DNAH7: variants seen among roughly 807,000 people sequenced by gnomAD.
DNAH7 encodes the protein axonemal beta dynein heavy chain 7.
DNAH7 carries 397 observed loss-of-function variants against 444.6 expected under a neutral mutation model. The observed-to-expected ratio is 0.89, with a 90% CI of 0.82 to 0.97. The LOEUF (loss-of-function observed/expected upper bound fraction) is 0.97. Among genes scored for constraint, DNAH7 ranks in the 50% least tolerant of loss-of-function variants. DNAH7 has a pLI of 0.00. For synonymous variants in DNAH7, 1,636 were observed against 1,624.4 expected (o/e 1.01, Z -0.17); for missense variants, 4,902 against 4,800.8 (o/e 1.02, Z -0.62).
At chr2:196,034,509 C>T (rs563568834) in intron 5 of DNAH7, among the ~76,000 whole-genome samples, 4 of 152,138 alleles carry the variant, frequency 2.6e-5, no homozygotes, top group Non-Finnish European at 5.9e-5. Flanking sequence ...AGGCATTTTT[C>T]CTTTGCAAAA....
chr2:195,926,381 A>G, intron 22 of DNAH7, 45 bp downstream of exon 22: 1 of 1,435,042 alleles, frequency 7.0e-7, no homozygotes, highest in Non-Finnish European at 9.2e-7. Context: ...CAATAATACT[A>G]TTGAAAAAAT....
At chr2:196,003,694 T>C (rs1337925009) in intron 10 of DNAH7, among the ~76,000 whole-genome samples, 2 of 152,192 alleles carry the variant, frequency 1.3e-5, no homozygotes, top group Non-Finnish European at 2.9e-5. Context: ...TCTTCTCCAG[T>C]AATGACCTGC....
chr2:195,994,938 T>C (rs1315014352), intron 12 of DNAH7: 4 of 295,384 alleles, frequency 1.4e-5, no homozygotes, highest in African/African-American at 2.3e-5. Context: ...GTTTTCCTTC[T>C]TCCTTTTCTT....
At position 195,976,784 on chromosome 2, in the gene DNAH7, A is replaced by AGAGAGAGAGAGAGAGAGAGG. The variant is rs1271382845; in HGVS notation, c.1834-4319_1834-4318insCCTCTCTCTCTCTCTCTCTC. Among the ~76,000 whole-genome samples the AGAGAGAGAGAGAGAGAGAGG allele has an allele frequency of 6.8e-5, 10 of 146,128 alleles. 1 individual carries two copies. The highest frequency in any genetic ancestry group is 2.1e-4 in the South Asian group (1 of 4,692). On this transcript the variant is annotated intron_variant, in intron 15 of 64. Coordinates refer to ENST00000312428, the MANE Select transcript of DNAH7 (RefSeq NM_018897.3). ...GAGAGAGAGAGAGAGAGAGAGAGAG[A>AGAGAGAGAGAGAGAGAGAGG]GAGACTCTCTAATTATTTGGGAGAA...
intron 47 of DNAH7, among the ~76,000 whole-genome samples, chr2:195,841,228 T>C (rs1559136050): frequency 6.6e-6 from 1 of 151,272 alleles, no homozygotes; most frequent in Non-Finnish European, 1.5e-5. Context: ...CTCTTTCTCT[T>C]TCTCTCTCTC....
At chr2:195,843,545 A>G (rs1361767535) in intron 47 of DNAH7, among the ~76,000 whole-genome samples, 3 of 152,240 alleles carry the variant, frequency 2.0e-5, no homozygotes, top group Non-Finnish European at 4.4e-5. Flanking sequence ...CTTAGTTATC[A>G]GAAAGCGTCA....
chr2:195,999,275 TAAG>T, intron 12 of DNAH7: 1 of 709,212 alleles, frequency 1.4e-6, no homozygotes, highest in East Asian at 2.7e-5. Context: ...ATGGTTGCCT[TAAG>T]AATTTGTAAC....
intron 63 of DNAH7, among the ~76,000 whole-genome samples, chr2:195,744,880 G>C (rs1197582658): frequency 2.0e-5 from 3 of 152,132 alleles, no homozygotes; most frequent in Non-Finnish European, 4.4e-5. Context: ...AAGATCAAAA[G>C]TAGATAAAAC....
intron 1 of DNAH7, among the ~76,000 whole-genome samples, chr2:196,064,232 G>A (rs1446879843): frequency 6.6e-6 from 1 of 151,054 alleles, no homozygotes; most frequent in Non-Finnish European, 1.5e-5. Context: ...GGAGAATGGC[G>A]TGAACCTTGG....
chr2:195,973,563 C>T (rs73042527), intron 15 of DNAH7, among the ~76,000 whole-genome samples: 10,191 of 152,144 alleles, frequency 0.067, 452 homozygotes, highest in African/African-American at 0.12. Flanking sequence ...CCTCAGCCTC[C>T]CATGTTCAAG....
chr2:195,936,677 C>T lies in DNAH7; in HGVS notation c.3194G>A (p.Arg1065His), dbSNP rs745950499. ...KGLNEYLEKK[R>H]LFFPRFFFLS... ...AAAAAAGAATCTGGGGAAAAAGAGG[C>T]GTTTCTTTTCCAAATATTCATTAAG... The change falls in exon 20 of 65, where the codon CGC (arginine) becomes CAC (histidine). Residue 1065 changes from arginine to histidine, a missense_variant. Coordinates refer to ENST00000312428, the MANE Select transcript of DNAH7 (RefSeq NM_018897.3). 17 of 1,603,644 alleles carry T rather than the reference C, an allele frequency of 1.1e-5. No homozygotes were observed. In the African/African-American group the frequency reaches 1.1e-4, roughly 10 times the overall value.
chr2:195,775,800 C>T (rs1695033584), intron 60 of DNAH7, 46 bp downstream of exon 60: 2 of 1,582,708 alleles, frequency 1.3e-6, no homozygotes, highest in African/African-American at 2.7e-5. Flanking sequence ...GCCTGGGGAG[C>T]ATCCTTCCCA....
chr2:196,056,677 A>G (rs1464567916), intron 2 of DNAH7, among the ~76,000 whole-genome samples: 1 of 152,142 alleles, frequency 6.6e-6, no homozygotes, highest in Non-Finnish European at 1.5e-5. Context: ...ATGGCAGGAC[A>G]TACCAGTTGC....
intron 29 of DNAH7, among the ~76,000 whole-genome samples, chr2:195,896,214 A>G (rs1325436853): frequency 6.6e-6 from 1 of 152,204 alleles, no homozygotes; most frequent in Non-Finnish European, 1.5e-5. Flanking sequence ...TCCATCTTTT[A>G]AATTTTAGCC....
intron 19 of DNAH7, among the ~76,000 whole-genome samples, chr2:195,952,760 TG>T (rs776575843): frequency 6.6e-6 from 1 of 152,312 alleles, no homozygotes; most frequent in Non-Finnish European, 1.5e-5. Context: ...AAAGTTCTCG[TG>T]CTGTGTTTTT....
intron 15 of DNAH7, among the ~76,000 whole-genome samples, chr2:195,974,557 G>A (rs1318453003): frequency 6.6e-6 from 1 of 151,996 alleles, no homozygotes; most frequent in East Asian, 1.9e-4. Context: ...TAATAGCTAG[G>A]AGGATAAATA....
chr2:195,862,080 T>G (rs1352454999), intron 41 of DNAH7, 134 bp from the exon 42 acceptor site: 2 of 699,182 alleles, frequency 2.9e-6, no homozygotes, highest in East Asian at 5.4e-5. Context: ...GAGAGACAAT[T>G]TCATAAGAAA....
At chr2:196,029,472 C>T in intron 5 of DNAH7, among the ~76,000 whole-genome samples, 1 of 151,930 alleles carries the variant, frequency 6.6e-6, no homozygotes, top group East Asian at 1.9e-4. Flanking sequence ...CTCTAAAACT[C>T]CATGATTCTA....
intron 19 of DNAH7, among the ~76,000 whole-genome samples, chr2:195,951,356 C>T (rs7594756): frequency 0.091 from 13,782 of 152,092 alleles, 688 homozygotes; most frequent in African/African-American, 0.13. Flanking sequence ...TGTTTTACTT[C>T]CAATTATGTG....
Sources: allele counts gnomAD v4.1 joint callset (sites outside exome capture counted in the v4.1 genomes callset), GRCh38; gene constraint gnomAD v4.1.1; transcripts MANE v1.5; gene names NCBI Gene and HGNC (gene_info 2026-07-23, HGNC 2026-07-21).